The following OSBPL11 variants were observed in gnomAD, a reference collection of about 807,000 sequenced individuals.
The protein encoded by OSBPL11 is oxysterol-binding protein-related protein 11.
OSBPL11 carries 33 observed loss-of-function variants against 84.4 expected under a neutral mutation model. That is an observed-to-expected ratio of 0.39 (90% CI 0.30 to 0.52). The LOEUF (loss-of-function observed/expected upper bound fraction) is 0.52, where lower values mean the gene tolerates loss of function less well. OSBPL11 is among the 20% of genes least tolerant of loss of function. OSBPL11 has a pLI of 0.72. For synonymous variants in OSBPL11, 276 were observed against 310.2 expected, an observed-to-expected ratio of 0.89 and a Z score of 1.16; for missense variants, 736 against 901.1, an observed-to-expected ratio of 0.82 and a Z score of 2.35.
intron 11 of OSBPL11, among the ~76,000 whole-genome samples, chr3:125,536,490 C>T (rs1452489251): frequency 6.6e-6 from 1 of 152,066 alleles, no homozygotes; most frequent in African/African-American, 2.4e-5. Context: ...AATATAAGCA[C>T]CAAGTTCACC....
intron 1 of OSBPL11, among the ~76,000 whole-genome samples, chr3:125,590,492 G>A (rs901046929): frequency 3.3e-5 from 5 of 152,038 alleles, no homozygotes; most frequent in African/African-American, 9.7e-5. Context: ...GGAGGCAGAG[G>A]TTGCAGTGAG....
rs1335775370 is a variant in OSBPL11, at chr3:125,552,408, G to A, written c.1427C>T (p.Ser476Phe). ...ATGATTTGTGACTCCCTGGGTGGAA[G>A]AACTGCTAAAAACACTGGATGCTAC... is the stretch of plus-strand genomic sequence containing the variant. The part of the protein sequence containing the change: ...SEVASSVFSS[S>F]STQGVTNHAP... Residue 476 changes from serine (S) to phenylalanine (F), a missense_variant, in exon 9 of 13, where the codon TCT becomes TTT. By Grantham distance (155) the Ser-to-Phe change is radical. This residue lies in a region of OSBPL11 where 579 missense variants were observed against 717.6 expected (regional missense o/e 0.81). Transcript: ENST00000296220. 8 of 1,614,138 alleles carry A rather than the reference G, an allele frequency of 5.0e-6. No individual in the cohort carries two copies. The Admixed American group carries it at 1.0e-4, about 20-fold the overall frequency.
At position 125,552,648 on chromosome 3, in the gene OSBPL11, C is replaced by T. The variant is rs779932215; in HGVS notation, c.1187G>A (p.Arg396His). The T allele has an allele frequency of 1.2e-6, 2 of 1,613,534 alleles. No individual in the cohort carries two copies. Among genetic ancestry groups the T allele is most frequent in the Non-Finnish European group, 1.7e-6 (2 of 1,179,750 alleles). ...GTCTGCATACATTTCCAGCAAGGAA[C>T]GCTTCTCTAGGATAAATGTAGGAAG... Reference protein sequence around the residue: ...VVLPTFILEKRSLLEMYADFM... With the variant: ...VVLPTFILEKHSLLEMYADFM... Residue 396 changes from arginine (R) to histidine (H), a missense_variant, in exon 9 of 13, where the codon CGT becomes CAT. Physicochemically the swap from Arg to His is conservative, Grantham distance 29. Transcript: ENST00000296220.
chr3:125,591,501 G>A (rs982177587), intron 1 of OSBPL11, among the ~76,000 whole-genome samples: 1 of 149,408 alleles, frequency 6.7e-6, no homozygotes, highest in Admixed American at 6.6e-5. Flanking sequence ...AGTGAACAAA[G>A]GAGGTCTCTG....
chr3:125,560,245 G>A (rs908823481), intron 8 of OSBPL11, 134 bp downstream of exon 8: 2 of 794,360 alleles, frequency 2.5e-6, no homozygotes, highest in Admixed American at 4.2e-5. Context: ...TGGGCAACAA[G>A]AGCAAAACTC....
At chr3:125,568,574 G>C (rs941709687) in intron 5 of OSBPL11, among the ~76,000 whole-genome samples, 12 of 152,090 alleles carry the variant, frequency 7.9e-5, no homozygotes, top group Non-Finnish European at 1.3e-4. Flanking sequence ...TTATACCTTT[G>C]GTCAGGCTCA....
Position 125,547,525 on chromosome 3 carries a change from T to C in OSBPL11, c.1722A>G (p.Ser574=). ...GTTCTACCCAAGGAACAGTCAAAATTGACCGAGCATATGCACAGGGTAGAG... is the reference window on the plus strand; with the variant it reads ...GTTCTACCCAAGGAACAGTCAAAATCGACCGAGCATATGCACAGGGTAGAG... The part of the protein sequence containing the change: ...TFSLPCAYAR[S]ILTVPWVELG... The change falls in exon 10 of 13, where the codon TCA becomes TCG. Residue 574 remains serine, a synonymous_variant. Coordinates refer to ENST00000296220, the MANE Select transcript of OSBPL11 (RefSeq NM_022776.5). The C allele has an allele frequency of 2.5e-6, 4 of 1,613,952 alleles. No homozygotes were observed. The highest frequency in any genetic ancestry group is 2.5e-6 in the Non-Finnish European group (3 of 1,179,842).
chr3:125,542,757 G>A lies in OSBPL11; in HGVS notation c.1842-4124C>T, dbSNP rs1421548493. Among the ~76,000 whole-genome samples the A allele has an allele frequency of 2.6e-5, 4 of 152,060 alleles. No homozygotes were observed. The East Asian group carries it at 7.7e-4, about 29-fold the overall frequency. ...GATCTCCTGATCTTGTGATCTACCCGCCTCGGCCTGACAAAGTTCTGGGAT... is the reference window on the plus strand; with the variant it reads ...GATCTCCTGATCTTGTGATCTACCCACCTCGGCCTGACAAAGTTCTGGGAT... On this transcript the variant is annotated intron_variant, in intron 10 of 12. Transcript: ENST00000296220.
chr3:125,570,143 A>G (rs1936221712), intron 5 of OSBPL11, among the ~76,000 whole-genome samples: 1 of 152,204 alleles, frequency 6.6e-6, no homozygotes, highest in Non-Finnish European at 1.5e-5. Flanking sequence ...TTCTTTGTGT[A>G]GAAGGCCCAA....
chr3:125,589,076 C>T (rs1472344702), intron 1 of OSBPL11, among the ~76,000 whole-genome samples: 6 of 152,170 alleles, frequency 3.9e-5, no homozygotes, highest in East Asian at 1.9e-4. Flanking sequence ...AAGCCGGGTG[C>T]GGTGGCTCAC....
chr3:125,530,374 G>A lies in OSBPL11; in HGVS notation c.*141C>T. ...TTTGGTCTTGCTGCAGTATTATGGT[G>A]CCCTAGTAGGTACATTCAGGTTTAG... On this transcript the variant is annotated 3_prime_UTR_variant, in exon 13 of 13. Coordinates refer to ENST00000296220, the MANE Select transcript of OSBPL11 (RefSeq NM_022776.5). The A allele has an allele frequency of 4.0e-6, 3 of 750,960 alleles. No individual in the cohort carries two copies. Among genetic ancestry groups the A allele is most frequent in the Non-Finnish European group, 4.6e-6 (2 of 431,846 alleles). 46.5% of individuals were successfully genotyped at this position (750,960 alleles called of 1,614,324 possible). A position where few individuals can be genotyped will look rare whatever the true frequency, so the allele number is the denominator to read the frequency against.
At chr3:125,532,204 C>T (rs923526774) in intron 11 of OSBPL11, among the ~76,000 whole-genome samples, 190 bp from the exon 12 acceptor site, 1 of 152,148 alleles carries the variant, frequency 6.6e-6, no homozygotes, top group Non-Finnish European at 1.5e-5. Flanking sequence ...GCTGCTCCTT[C>T]TGCTTCTTTT....
chr3:125,567,650 A>T (rs1292225165), intron 5 of OSBPL11, 55 bp from the exon 6 acceptor site: 3 of 1,417,432 alleles, frequency 2.1e-6, no homozygotes, highest in Non-Finnish European at 3.0e-6. Context: ...AAACATGTAT[A>T]CATACAGTTG....
chr3:125,595,088 G>A lies in OSBPL11; in HGVS notation c.-288C>T. 3.1e-6 allele frequency: 1 copy of A among 318,610 alleles called. No homozygotes were observed. The highest frequency in any genetic ancestry group is 5.9e-6 in the Non-Finnish European group (1 of 168,344). The allele number at this position is 318,610 out of a possible 1,614,324, so 19.7% of individuals were successfully genotyped here. A position where few individuals can be genotyped will look rare whatever the true frequency, so the allele number is the denominator to read the frequency against. On this transcript the variant is annotated 5_prime_UTR_variant, in exon 1 of 13. Transcript: ENST00000296220. ...AAAAGCATCCGGCGAGAAGACTTAA[G>A]TGACATACTCAAAAGAGAAGGAGTG...
At chr3:125,563,940 C>T in intron 6 of OSBPL11, 97 bp from the exon 7 acceptor site, 1 of 1,410,772 alleles carries the variant, frequency 7.1e-7, no homozygotes, top group Non-Finnish European at 9.7e-7. Flanking sequence ...GCCTACAAGC[C>T]TAAAAGCAAT....
intron 1 of OSBPL11, among the ~76,000 whole-genome samples, chr3:125,589,163 A>G (rs1373652055): frequency 6.6e-6 from 1 of 152,136 alleles, no homozygotes; most frequent in East Asian, 1.9e-4. Flanking sequence ...AGCCTGGCCA[A>G]CATGGTGGAA....
At chr3:125,560,649 C>CT in intron 7 of OSBPL11, 130 bp from the exon 8 acceptor site, 4 of 759,498 alleles carry the variant, frequency 5.3e-6, no homozygotes, top group Admixed American at 3.3e-5. Context: ...GGGCAAAAAT[C>CT]TTTCAGAAAT....
chr3:125,547,303 C>T, intron 10 of OSBPL11, 103 bp downstream of exon 10: 1 of 954,316 alleles, frequency 1.0e-6, no homozygotes. Context: ...AACATTAATA[C>T]AAATCCAACT....
At chr3:125,583,739 G>A (rs755120917) in intron 1 of OSBPL11, among the ~76,000 whole-genome samples, 5 of 151,842 alleles carry the variant, frequency 3.3e-5, no homozygotes, top group Non-Finnish European at 5.9e-5. Flanking sequence ...TATTAAATAC[G>A]TAAAATAAAT....
Sources: allele counts gnomAD v4.1 joint callset (sites outside exome capture counted in the v4.1 genomes callset), GRCh38; gene constraint gnomAD v4.1.1; regional missense constraint gnomAD v4.1.1; transcripts MANE v1.5; gene names NCBI Gene and HGNC (gene_info 2026-07-23, HGNC 2026-07-21).